The following ASH1L variants were observed in gnomAD, a reference collection of about 807,000 sequenced individuals.
ASH1L encodes ASH1 like histone lysine methyltransferase, also known as histone-lysine N-methyltransferase ASH1L.
In ASH1L, 23 loss-of-function variants were observed where a neutral mutation model predicts 269.0. The ratio of observed to expected loss-of-function variants is 0.09; its 90% CI spans 0.06 to 0.12. The LOEUF (loss-of-function observed/expected upper bound fraction) is 0.12, where lower values mean the gene tolerates loss of function less well. Ranked by LOEUF, ASH1L falls within the 10% of genes least tolerant of loss-of-function variation. The probability of loss-of-function intolerance (pLI) is 1.00; values close to 1 mark genes in which losing one functional copy is unlikely to be tolerated. For synonymous variants in ASH1L, 1,187 were observed against 1,253.5 expected, an observed-to-expected ratio of 0.95 and a Z score of 1.12; for missense variants, 2,912 against 3,567.8, an observed-to-expected ratio of 0.82 and a Z score of 4.68.
intron 5 of ASH1L, chr1:155,433,445 G>A (rs1168353384): frequency 1.1e-5 from 18 of 1,608,076 alleles, no homozygotes; most frequent in Non-Finnish European, 1.4e-5. Context: ...GCCCCAAGGC[G>A]GCTTGGAGAC....
At chr1:155,443,471 C>T (rs774170971) in intron 4 of ASH1L, among the ~76,000 whole-genome samples, 27 of 152,132 alleles carry the variant, frequency 1.8e-4, no homozygotes, top group Non-Finnish European at 3.2e-4. Context: ...AAATTCAATG[C>T]ATGTTTTTTA....
rs1558023357 is a variant in ASH1L at position 155,352,820 on chromosome 1, G to T, written c.7252C>A (p.Arg2418=). 1 of 1,613,728 alleles carries T rather than the reference G, an allele frequency of 6.2e-7. No individual in the cohort carries two copies. The change falls in exon 17 of 28, where the codon CGA becomes AGA. Residue 2418 remains arginine (R), a synonymous_variant. Coordinates refer to ENST00000392403, the MANE Select transcript of ASH1L (RefSeq NM_018489.3). ...MTQFSALQTA[R]SVRTRRLAAA... ...GCCAACCGTCTTGTTCGAACAGATCGAGCTGTCTGCAGGGCAGAGAACTGG... is the reference window on the plus strand; with the variant it reads ...GCCAACCGTCTTGTTCGAACAGATCTAGCTGTCTGCAGGGCAGAGAACTGG...
At chr1:155,350,732 C>T (rs771686546) in intron 17 of ASH1L, among the ~76,000 whole-genome samples, 6 of 151,782 alleles carry the variant, frequency 4.0e-5, no homozygotes, top group Non-Finnish European at 7.4e-5. Context: ...ACCATCCTGG[C>T]TAACATGGGG....
rs1558025005 is a variant in ASH1L at position 155,354,746 on chromosome 1, A to T, written c.7056-116T>A. 3 of 943,466 alleles carry T rather than the reference A, an allele frequency of 3.2e-6. No individual in the cohort carries two copies. The Admixed American group carries it at 8.9e-5, about 28-fold the overall frequency. The allele number at this position is 943,466 out of a possible 1,614,324, so 58.4% of individuals were successfully genotyped here. A position where few individuals can be genotyped will look rare whatever the true frequency, so the allele number is the denominator to read the frequency against. On this transcript the variant is annotated intron_variant, in intron 15 of 27. Coordinates refer to ENST00000392403, the MANE Select transcript of ASH1L (RefSeq NM_018489.3). ...ATACGTGAATTGAGCTGTTGTAAAG[A>T]GAATTATATGGGCAAAGCATTACTC...
At chr1:155,468,240 T>TC (rs200809733) in intron 3 of ASH1L, among the ~76,000 whole-genome samples, 1 of 151,434 alleles carries the variant, frequency 6.6e-6, no homozygotes, top group Non-Finnish European at 1.5e-5. Context: ...TATTTTTTTT[T>TC]TCTGCTTAGA....
intron 3 of ASH1L, among the ~76,000 whole-genome samples, chr1:155,477,077 A>T (rs75643385): frequency 1.3e-5 from 2 of 152,330 alleles, no homozygotes; most frequent in Non-Finnish European, 2.9e-5. Flanking sequence ...TACTTACAAC[A>T]TCAGAGGGTT....
At chr1:155,434,264 G>A (rs1232536443) in intron 5 of ASH1L, 1 of 1,599,484 alleles carries the variant, frequency 6.3e-7, no homozygotes, top group African/African-American at 1.3e-5. Flanking sequence ...TCAAACTGAG[G>A]TGCCTGCCCT....
chr1:155,531,504 TAC>T (rs1669675034), intron 1 of ASH1L, among the ~76,000 whole-genome samples: 1 of 151,934 alleles, frequency 6.6e-6, no homozygotes, highest in African/African-American at 2.4e-5. Context: ...TTCAAAACAT[TAC>T]AGAGAAAGGT....
intron 4 of ASH1L, among the ~76,000 whole-genome samples, chr1:155,441,315 G>A (rs116554694): frequency 0.025 from 3,023 of 118,610 alleles, 104 homozygotes; most frequent in African/African-American, 0.09. Context: ...CTCCCACCCC[G>A]GCCCCGCCAC....
intron 1 of ASH1L, among the ~76,000 whole-genome samples, chr1:155,555,496 C>CAAAAAA (rs57151613): frequency 3.6e-5 from 2 of 55,110 alleles, no homozygotes; most frequent in Admixed American, 1.7e-4. Context: ...GACTCTGTCT[C>CAAAAAA]AAAAAAAAAA....
intron 6 of ASH1L, among the ~76,000 whole-genome samples, chr1:155,408,943 T>C (rs1277273425): frequency 6.6e-6 from 1 of 151,140 alleles, no homozygotes; most frequent in Non-Finnish European, 1.5e-5. Flanking sequence ...ACAGAGAGTT[T>C]ACGGAGAAAA....
At chr1:155,434,837 C>G (rs145988659) in intron 5 of ASH1L, among the ~76,000 whole-genome samples, 3,392 of 150,608 alleles carry the variant, frequency 0.023, 118 homozygotes, top group African/African-American at 0.079. Context: ...GGCGACAGAG[C>G]GAGACTCCGT....
chr1:155,385,335 C>CGGGAG (rs1485748886), intron 7 of ASH1L, among the ~76,000 whole-genome samples: 1 of 152,008 alleles, frequency 6.6e-6, no homozygotes, highest in Non-Finnish European at 1.5e-5. Context: ...TCCAGCTACT[C>CGGGAG]GGGAGGCTGA....
Position 155,339,383 on chromosome 1 carries a change from AG to A in ASH1L, c.8461-16del, listed in dbSNP as rs751186013. 5.0e-6 allele frequency: 8 copies of A among 1,613,164 alleles called. No homozygotes were observed. The East Asian group carries it at 8.9e-5, about 18-fold the overall frequency. On this transcript the variant is annotated splice_polypyrimidine_tract_variant and intron_variant, in intron 25 of 27. Coordinates refer to ENST00000392403, the MANE Select transcript of ASH1L (RefSeq NM_018489.3). ...ACGTAATGAGGCTGCAGAGAAGAAA[AG>A]GAAGAGGTAAGCATATTGTAGAAGC...
intron 1 of ASH1L, among the ~76,000 whole-genome samples, chr1:155,542,698 GAGA>G (rs909819795): frequency 1.9e-4 from 18 of 92,884 alleles, no homozygotes; most frequent in African/African-American, 6.9e-4. Flanking sequence ...TTTTTTTTTT[GAGA>G]AGGAGTCTCA....
At chr1:155,403,654 C>T (rs1202128824) in intron 6 of ASH1L, among the ~76,000 whole-genome samples, 1 of 151,998 alleles carries the variant, frequency 6.6e-6, no homozygotes, top group Non-Finnish European at 1.5e-5. Context: ...TTAGCCCAGA[C>T]TAATATACCT....
At chr1:155,365,477 C>T (rs1286842194) in intron 12 of ASH1L, among the ~76,000 whole-genome samples, 1 of 151,508 alleles carries the variant, frequency 6.6e-6, no homozygotes, top group Non-Finnish European at 1.5e-5. Flanking sequence ...CCTGCCTCAG[C>T]CTCCCAAAGT....
rs112249223 is a variant in ASH1L, at chr1:155,481,147, A to C, written c.1723T>G (p.Ser575Ala). ...AATGGATTAGGAGCCAACTGTGAAG[A>C]AGTTTCAGGGGGACTTCTGGTTAAA... ...NPLTRSPPET[S>A]SQLAPNPLLL... The change falls in exon 3 of 28, where the codon TCT (serine) becomes GCT (alanine). Residue 575 changes from serine to alanine, a missense_variant. By Grantham distance (99) the Ser-to-Ala change is moderately conservative. This residue lies in a region of ASH1L where 715 missense variants were observed against 721.0 expected (regional missense o/e 0.99). Transcript: ENST00000392403. 68 of 1,614,100 alleles carry C rather than the reference A, an allele frequency of 4.2e-5. 1 individual carries two copies. In the African/African-American group the frequency reaches 6.0e-4, roughly 14 times the overall value.
chr1:155,426,807 G>GT (rs756899013), intron 5 of ASH1L, among the ~76,000 whole-genome samples: 5 of 152,118 alleles, frequency 3.3e-5, no homozygotes, highest in Non-Finnish European at 5.9e-5. Flanking sequence ...CAGTTCATCT[G>GT]TGAGTTTAAG....
Sources: allele counts gnomAD v4.1 joint callset (sites outside exome capture counted in the v4.1 genomes callset), GRCh38; gene constraint gnomAD v4.1.1; regional missense constraint gnomAD v4.1.1; transcripts MANE v1.5; gene names NCBI Gene and HGNC (gene_info 2026-07-23, HGNC 2026-07-21).